SAMD13: variants seen among roughly 807,000 people sequenced by gnomAD.
SAMD13 encodes the protein sterile alpha motif domain containing 13, also known as sterile alpha motif domain-containing protein 13.
A neutral mutation model predicts 12.4 loss-of-function variants in SAMD13; 9 were observed. The observed-to-expected ratio is 0.72, with a 90% confidence interval of 0.44 to 1.26. The LOEUF is 1.26. Ranked by LOEUF, SAMD13 falls within the 50% of genes most tolerant of loss-of-function variation. The pLI, the probability that SAMD13 is intolerant of heterozygous loss-of-function variation, is 0.00. For synonymous variants in SAMD13, 46 were observed against 45.4 expected (o/e 1.01, Z -0.05); for missense variants, 84 against 119.6 (o/e 0.70, Z 1.39).
At chr1:84,326,631 A>G (rs1051372928) in intron 3 of SAMD13, among the ~76,000 whole-genome samples, 3 of 152,102 alleles carry the variant, frequency 2.0e-5, no homozygotes, top group African/African-American at 7.2e-5. Flanking sequence ...CAGAGTTCCT[A>G]TTTCTCTACC....
In SAMD13 at chr1:84,350,619, G is replaced by A. The variant is rs1679630096; in HGVS notation, c.*845G>A. 1 of 152,338 alleles carries A rather than the reference G, an allele frequency of 6.6e-6. No homozygotes were observed. The highest frequency in any genetic ancestry group is 2.1e-4 in the South Asian group (1 of 4,790). The allele number at this position is 152,338 out of a possible 1,614,324, so 9.4% of individuals were successfully genotyped here. A position where few individuals can be genotyped will look rare whatever the true frequency, so the allele number is the denominator to read the frequency against. On this transcript the variant is annotated 3_prime_UTR_variant, in exon 4 of 4. Transcript: ENST00000394834. ...TTTATATATATTCCTTCATGATGGT[G>A]TAATTTTTTTTAATTGTCCTATGCT...
chr1:84,344,572 G>T, intron 3 of SAMD13: 1 of 252,124 alleles, frequency 4.0e-6, no homozygotes, highest in Middle Eastern at 1.5e-3. Flanking sequence ...TATTCAAAAG[G>T]GCTTGGTGTA....
intron 2 of SAMD13, among the ~76,000 whole-genome samples, chr1:84,318,219 C>A (rs1007718115): frequency 2.6e-5 from 4 of 151,786 alleles, no homozygotes; most frequent in African/African-American, 9.7e-5. Flanking sequence ...TGTTTTATAT[C>A]TTTCTTTTTT....
chr1:84,333,186 G>C lies in SAMD13; in HGVS notation c.165+7438G>C, dbSNP rs141571759. On this transcript the variant is annotated intron_variant, in intron 3 of 3. Transcript: ENST00000394834. The stretch of plus-strand genomic sequence containing the variant: ...CTTTTTGCTTAGGATTCCCTTCGCT[G>C]TTTGGGCTCTTTTTTGGTTCCATAT... Among the ~76,000 whole-genome samples the C allele has an allele frequency of 4.8e-4, 73 of 152,170 alleles. 1 individual carries two copies. The East Asian group carries it at 0.013, about 27-fold the overall frequency.
Position 84,317,882 on chromosome 1 carries a change from G to T in SAMD13, c.54-7755G>T, listed in dbSNP as rs557201082. On this transcript the variant is annotated intron_variant, in intron 2 of 3. Coordinates refer to ENST00000394834, the MANE Select transcript of SAMD13 (RefSeq NM_001134663.2). ...TTTAATCTCCTTACTAGACAGGTCT[G>T]CTTGGATTTTCTATTTCTTCATAAT... 2.0e-5 allele frequency among the ~76,000 whole-genome samples: 3 copies of T among 152,094 alleles called. No individual in the cohort carries two copies. In the South Asian group the frequency reaches 6.2e-4, roughly 32 times the overall value.
intron 2 of SAMD13, among the ~76,000 whole-genome samples, chr1:84,311,828 A>G (rs1468362684): frequency 6.6e-6 from 1 of 152,198 alleles, no homozygotes; most frequent in Admixed American, 6.5e-5. Context: ...AAATATCTAA[A>G]CCATGAATTT....
chr1:84,306,707 T>C (rs1015229631), intron 2 of SAMD13, among the ~76,000 whole-genome samples: 1 of 147,862 alleles, frequency 6.8e-6, no homozygotes, highest in Non-Finnish European at 1.5e-5. Context: ...GTTACATGCC[T>C]GTAATCCCAG....
At chr1:84,315,480 G>A (rs1191901278) in intron 2 of SAMD13, among the ~76,000 whole-genome samples, 3 of 152,010 alleles carry the variant, frequency 2.0e-5, no homozygotes, top group Non-Finnish European at 2.9e-5. Context: ...CTTTTTTGCG[G>A]TGGGTCTCCC....
intron 2 of SAMD13, among the ~76,000 whole-genome samples, chr1:84,313,021 C>T (rs1476995905): frequency 6.6e-6 from 1 of 151,944 alleles, no homozygotes; most frequent in Non-Finnish European, 1.5e-5. Context: ...TTTATTTTAC[C>T]TAGTAGGTTC....
chr1:84,333,236 T>A (rs922434341), intron 3 of SAMD13, among the ~76,000 whole-genome samples: 2 of 152,222 alleles, frequency 1.3e-5, no homozygotes, highest in Non-Finnish European at 2.9e-5. Context: ...TTTTCTCCAG[T>A]TCTGTGAAGA....
At chr1:84,332,447 G>A (rs933527176) in intron 3 of SAMD13, among the ~76,000 whole-genome samples, 4 of 152,000 alleles carry the variant, frequency 2.6e-5, no homozygotes, top group Non-Finnish European at 5.9e-5. Context: ...GCAAGATGGT[G>A]TCTCGTTGTT....
At chr1:84,323,189 A>G (rs141393548) in intron 2 of SAMD13, among the ~76,000 whole-genome samples, 211 of 152,266 alleles carry the variant, frequency 1.4e-3, no homozygotes, top group African/African-American at 4.7e-3. Context: ...AACATTCTTC[A>G]AGGACACCTT....
intron 2 of SAMD13, among the ~76,000 whole-genome samples, chr1:84,307,487 T>C (rs1327358264): frequency 6.6e-6 from 1 of 152,206 alleles, no homozygotes; most frequent in Non-Finnish European, 1.5e-5. Context: ...CTCAATCTCC[T>C]TGTCCCATAT....
chr1:84,301,376 C>T (rs1386766203), upstream of SAMD13, among the ~76,000 whole-genome samples: 1 of 152,222 alleles, frequency 6.6e-6, no homozygotes, highest in Non-Finnish European at 1.5e-5. Flanking sequence ...TAGTTTGAAA[C>T]ATGACATTCA....
At chr1:84,323,992 A>G (rs992032522) in intron 2 of SAMD13, among the ~76,000 whole-genome samples, 1 of 152,148 alleles carries the variant, frequency 6.6e-6, no homozygotes, top group Non-Finnish European at 1.5e-5. Flanking sequence ...TGTTACCACC[A>G]TCCATCCAAT....
At chr1:84,344,768 C>T in intron 3 of SAMD13, 2 of 388,224 alleles carry the variant, frequency 5.2e-6, no homozygotes, top group South Asian at 2.0e-5. Context: ...TCTGCAGGTA[C>T]ACCCAGACAA....
chr1:84,332,536 G>A (rs1441817354), intron 3 of SAMD13, among the ~76,000 whole-genome samples: 3 of 152,042 alleles, frequency 2.0e-5, no homozygotes, highest in Admixed American at 2.0e-4. Context: ...GACTTCTTTT[G>A]TGACGTGTCT....
At chr1:84,314,157 T>G (rs539970286) in intron 2 of SAMD13, among the ~76,000 whole-genome samples, 14 of 152,162 alleles carry the variant, frequency 9.2e-5, no homozygotes, top group African/African-American at 3.4e-4. Context: ...AAGAGAACTT[T>G]TCATATAACA....
upstream of SAMD13, among the ~76,000 whole-genome samples, chr1:84,299,325 C>A (rs745794017): frequency 6.6e-6 from 1 of 152,162 alleles, no homozygotes; most frequent in Non-Finnish European, 1.5e-5. Flanking sequence ...CCTATCTGAG[C>A]GCATTCCCAA....
Sources: gnomAD v4.1 joint callset for allele counts (sites outside exome capture counted in the v4.1 genomes callset) on GRCh38, gnomAD v4.1.1 for gene constraint, MANE v1.5 for transcripts, NCBI Gene and HGNC (gene_info 2026-07-23, HGNC 2026-07-21) for gene names.